LIPH: variants seen among roughly 807,000 people sequenced by gnomAD.
The protein encoded by LIPH is lipase member H.
LIPH carries 32 observed loss-of-function variants against 47.6 expected under a neutral mutation model. The observed-to-expected ratio is 0.67, with a 90% confidence interval of 0.51 to 0.90. The LOEUF (loss-of-function observed/expected upper bound fraction) is 0.90. Among genes scored for constraint, LIPH ranks in the 40% least tolerant of loss-of-function variants. The pLI is 0.00. For synonymous variants in LIPH, 190 were observed against 195.6 expected, an observed-to-expected ratio of 0.97 and a Z score of 0.24; for missense variants, 497 against 541.4, an observed-to-expected ratio of 0.92 and a Z score of 0.81.
intron 7 of LIPH, 117 bp from the exon 8 acceptor site, chr3:185,514,638 T>C (rs1719670751): frequency 2.8e-6 from 2 of 712,152 alleles, no homozygotes; most frequent in South Asian, 2.9e-5. Flanking sequence ...TCTTTCTCTC[T>C]GGTTTCTCTG....
intron 4 of LIPH, among the ~76,000 whole-genome samples, chr3:185,527,232 C>T (rs1216109285): frequency 6.6e-6 from 1 of 152,038 alleles, no homozygotes; most frequent in Non-Finnish European, 1.5e-5. Context: ...GAGCGAGACT[C>T]TGTCTCAAAA....
intron 1 of LIPH, among the ~76,000 whole-genome samples, chr3:185,550,833 G>GAACCACT (rs1721026982): frequency 6.6e-6 from 1 of 152,156 alleles, no homozygotes; most frequent in Non-Finnish European, 1.5e-5. Context: ...CTTTCAGAGT[G>GAACCACT]CTGGGATTAT....
At position 185,508,546 on chromosome 3, in the gene LIPH, A is replaced by T. The variant is rs1719453546; in HGVS notation, c.*244T>A. On this transcript the variant is annotated 3_prime_UTR_variant, in exon 10 of 10. Transcript: ENST00000296252. Reference sequence around the variant, plus strand: ...AGGGAGGCCCCAGGACACAGCAGACACAGCGCTGCGCTGCTGCGAGCCTGG... The same window carrying T: ...AGGGAGGCCCCAGGACACAGCAGACTCAGCGCTGCGCTGCTGCGAGCCTGG... The T allele has an allele frequency of 1.8e-5, 9 of 514,102 alleles. 1 individual carries two copies. Among genetic ancestry groups the T allele is most frequent in the South Asian group, 1.7e-4 (8 of 47,808 alleles). 31.8% of individuals were successfully genotyped at this position (514,102 alleles called of 1,614,324 possible).
chr3:185,527,090 T>C (rs1021461531), intron 4 of LIPH, among the ~76,000 whole-genome samples: 1 of 151,940 alleles, frequency 6.6e-6, no homozygotes, highest in African/African-American at 2.4e-5. Context: ...ATACAAAAAA[T>C]TAGCCAGGCG....
chr3:185,508,773 A>G lies in LIPH; in HGVS notation c.*17T>C, dbSNP rs1329431299. The G allele has an allele frequency of 1.3e-6, 2 of 1,562,274 alleles. No homozygotes were observed. The highest frequency in any genetic ancestry group is 1.8e-6 in the Non-Finnish European group (2 of 1,132,836). On this transcript the variant is annotated 3_prime_UTR_variant, in exon 10 of 10. Transcript: ENST00000296252. ...AGCTTTCTTTCTATTATTTATGGCC[A>G]TGTGTCCTGGCAACAGTTACAACTG...
intron 3 of LIPH, among the ~76,000 whole-genome samples, chr3:185,532,321 G>A (rs956157514): frequency 6.6e-6 from 1 of 151,942 alleles, no homozygotes; most frequent in Non-Finnish European, 1.5e-5. Context: ...AGACCAGCCT[G>A]GGCAACATGG....
At chr3:185,546,226 C>T (rs538323326) in intron 1 of LIPH, among the ~76,000 whole-genome samples, 5 of 152,010 alleles carry the variant, frequency 3.3e-5, no homozygotes, top group African/African-American at 1.2e-4. Context: ...GTAGCGCACA[C>T]CTGTAATCCC....
At chr3:185,519,484 G>A (rs188448744) in intron 5 of LIPH, among the ~76,000 whole-genome samples, 175 bp from the exon 6 acceptor site, 1 of 152,208 alleles carries the variant, frequency 6.6e-6, no homozygotes, top group African/African-American at 2.4e-5. Context: ...GCAAGTGGGA[G>A]GAGAAAAGAT....
Position 185,520,753 on chromosome 3 carries a change from G to A in LIPH, c.719-1444C>T, listed in dbSNP as rs929191138. Among the ~76,000 whole-genome samples, 9 of 152,086 alleles carry A rather than the reference G, an allele frequency of 5.9e-5. No homozygotes were observed. The South Asian group carries it at 1.9e-3, about 32-fold the overall frequency. ...CCATATCATCCCCGCTCCAGTAATT[G>A]AGTAATTATCAAAATTCTCCCATTC... On this transcript the variant is annotated intron_variant, in intron 5 of 9. Coordinates refer to ENST00000296252, the MANE Select transcript of LIPH (RefSeq NM_139248.3).
chr3:185,545,013 T>C (rs1450186993), intron 1 of LIPH, among the ~76,000 whole-genome samples: 3 of 151,070 alleles, frequency 2.0e-5, no homozygotes, highest in African/African-American at 7.3e-5. Context: ...TCCTTTTGAG[T>C]TATGTTATTG....
At chr3:185,545,925 G>A (rs1437809129) in intron 1 of LIPH, among the ~76,000 whole-genome samples, 3 of 151,866 alleles carry the variant, frequency 2.0e-5, no homozygotes, top group African/African-American at 4.8e-5. Flanking sequence ...GGAGGCTGAC[G>A]CAGGCAGATC....
Position 185,519,286 on chromosome 3 carries a change from G to C in LIPH, c.742C>G (p.His248Asp). ...AGGTACAGGTATACAGACCTCTGGT[G>C]GTCACATTTAAAATACTGAAATCCT... ...LGGFQYFKCD[H>D]QRSVYLYLSS... Residue 248 changes from histidine (H) to aspartate (D), a missense_variant, in exon 6 of 10, where the codon CAC (histidine) becomes GAC (aspartate). His to Asp is a moderately conservative substitution (Grantham distance 81, BLOSUM62 -1). Coordinates refer to ENST00000296252, the MANE Select transcript of LIPH (RefSeq NM_139248.3). 6.2e-7 allele frequency: 1 copy of C among 1,613,100 alleles called. No individual in the cohort carries two copies. The highest frequency in any genetic ancestry group is 1.1e-5 in the South Asian group (1 of 91,056).
chr3:185,543,067 G>C (rs556860404), intron 1 of LIPH, among the ~76,000 whole-genome samples: 1 of 152,034 alleles, frequency 6.6e-6, no homozygotes, highest in South Asian at 2.1e-4. Context: ...AAATTAGCTA[G>C]GCATGGTTGT....
chr3:185,522,650 A>AAGAAAGAAAAAG (rs1235808164), intron 5 of LIPH, among the ~76,000 whole-genome samples: 220 of 141,990 alleles, frequency 1.5e-3, no homozygotes, highest in Non-Finnish European at 2.9e-3. Context: ...GAGAGAAAGA[A>AAGAAAGAAAAAG]AAAGAAAGAA....
intron 2 of LIPH, 131 bp downstream of exon 2, chr3:185,534,634 G>A: frequency 2.3e-6 from 2 of 856,504 alleles, no homozygotes; most frequent in Non-Finnish European, 3.7e-6. Flanking sequence ...CACCTTCCCT[G>A]GGGCTTATTC....
chr3:185,520,472 G>A (rs987554058), intron 5 of LIPH, among the ~76,000 whole-genome samples: 1 of 151,414 alleles, frequency 6.6e-6, no homozygotes, highest in Admixed American at 6.6e-5. Context: ...AGCCGAGATC[G>A]AGCCACTGCA....
chr3:185,525,180 C>A (rs1720030194), intron 4 of LIPH, among the ~76,000 whole-genome samples: 1 of 151,982 alleles, frequency 6.6e-6, no homozygotes, highest in Non-Finnish European at 1.5e-5. Flanking sequence ...CGACTGCATT[C>A]CAGCCTGGGT....
chr3:185,516,011 G>A (rs185272272), intron 7 of LIPH, among the ~76,000 whole-genome samples: 162 of 152,306 alleles, frequency 1.1e-3, no homozygotes, highest in African/African-American at 3.5e-3. Context: ...GCGCATGCCC[G>A]AAGTCCCAGC....
chr3:185,552,408 T>A lies in LIPH; in HGVS notation c.49+15A>T, dbSNP rs143567993. 1.3e-6 allele frequency: 2 copies of A among 1,578,020 alleles called. No homozygotes were observed. The highest frequency in any genetic ancestry group is 1.7e-6 in the Non-Finnish European group (2 of 1,147,180). On this transcript the variant is annotated intron_variant, in intron 1 of 9. Transcript: ENST00000296252. ...TTTTTAAGCAGTTAAGAAAACCAGT[T>A]TGTAAATAACCTACCTGATCTTGAC...
Sources: allele counts gnomAD v4.1 joint callset (sites outside exome capture counted in the v4.1 genomes callset), GRCh38; gene constraint gnomAD v4.1.1; transcripts MANE v1.5; gene names NCBI Gene and HGNC (gene_info 2026-07-23, HGNC 2026-07-21).